Variants in GALNT18 observed in about 807,000 individuals in gnomAD.
GALNT18 encodes the protein polypeptide N-acetylgalactosaminyltransferase 18, also known as GalNAc-transferase 18.
Under a neutral mutation model 69.5 loss-of-function variants are expected in GALNT18, and 44 were observed. The observed-to-expected ratio is 0.63, with a 90% CI of 0.50 to 0.81. GALNT18 has a LOEUF of 0.81. GALNT18 is among the 40% of genes least tolerant of loss of function. The pLI is 0.00. For missense variants in GALNT18, 715 were observed against 810.0 expected, an observed-to-expected ratio of 0.88 and a Z score of 1.42; for synonymous variants, 364 against 318.2, an observed-to-expected ratio of 1.14 and a Z score of -1.53.
chr11:11,285,993 G>C (rs1192636369), intron 10 of GALNT18, among the ~76,000 whole-genome samples: 1 of 152,108 alleles, frequency 6.6e-6, no homozygotes, highest in Admixed American at 6.6e-5. Flanking sequence ...CTCCTTTCCT[G>C]GCATTAACAG....
At chr11:11,285,357 T>TG in intron 10 of GALNT18, among the ~76,000 whole-genome samples, 1 of 152,196 alleles carries the variant, frequency 6.6e-6, no homozygotes, top group Non-Finnish European at 1.5e-5. Context: ...CTTATAGCGC[T>TG]ATCATAGGGA....
rs1854337064 is a variant in GALNT18 at position 11,396,661 on chromosome 11, T to TA, written c.596-17398dup. ...TAGTGTGGTTGGGGGCAGTAGGGAT[T>TA]AACGCCACCTAATCTAAGGGTGAAA... On this transcript the variant is annotated intron_variant, in intron 3 of 10. Transcript: ENST00000227756. The surrounding 1 kb of genome is among the most constrained non-coding windows in gnomAD (Gnocchi z 5.2). Among the ~76,000 whole-genome samples, 1 of 152,032 alleles carries TA rather than the reference T, an allele frequency of 6.6e-6. No individual in the cohort carries two copies.
In GALNT18 at chr11:11,341,596, A is replaced by G. The variant is rs1353309936; in HGVS notation, c.1093-592T>C. Among the ~76,000 whole-genome samples, 1 of 152,164 alleles carries G rather than the reference A, an allele frequency of 6.6e-6. No individual in the cohort carries two copies. Among genetic ancestry groups the G allele is most frequent in the East Asian group, 1.9e-4 (1 of 5,180 alleles). Reference sequence around the variant, plus strand: ...ATTAAACTTCTTAGCAACCTTGGTGAATAGGAGATTGATCCGAATGCAATT... The same window carrying G: ...ATTAAACTTCTTAGCAACCTTGGTGGATAGGAGATTGATCCGAATGCAATT... On this transcript the variant is annotated intron_variant, in intron 6 of 10. Transcript: ENST00000227756. The surrounding 1 kb of genome is among the most constrained non-coding windows in gnomAD (Gnocchi z 6.3).
At chr11:11,385,688 C>T (rs770579474) in intron 3 of GALNT18, among the ~76,000 whole-genome samples, 1 of 152,060 alleles carries the variant, frequency 6.6e-6, no homozygotes, top group African/African-American at 2.4e-5. Flanking sequence ...TGTGGAGTTA[C>T]CATCTACAGA....
At chr11:11,386,102 G>A (rs1466610) in intron 3 of GALNT18, among the ~76,000 whole-genome samples, 120,779 of 152,092 alleles carry the variant, frequency 0.79, 48,607 homozygotes, top group East Asian at 0.96. Context: ...TCTAGCCTCC[G>A]GAAGTATGAA....
In GALNT18 at chr11:11,271,109, G is replaced by A; in HGVS notation, c.*35C>T. On this transcript the variant is annotated 3_prime_UTR_variant, in exon 11 of 11. Coordinates refer to ENST00000227756, the MANE Select transcript of GALNT18 (RefSeq NM_198516.3). ...GCAACGTTGCAGCAGGTGCTACACA[G>A]TAGCAAAGAGGCAGCCGGAAGTGGC... 1 of 1,598,468 alleles carries A rather than the reference G, an allele frequency of 6.3e-7. No homozygotes were observed. The highest frequency in any genetic ancestry group is 1.1e-5 in the South Asian group (1 of 89,862).
chr11:11,273,471 A>G (rs138455467), intron 10 of GALNT18, among the ~76,000 whole-genome samples: 1 of 152,376 alleles, frequency 6.6e-6, no homozygotes, highest in Non-Finnish European at 1.5e-5. Flanking sequence ...ATTACCAGAG[A>G]AAAGTAAGCA....
intron 1 of GALNT18, among the ~76,000 whole-genome samples, chr11:11,458,898 T>C (rs142701962): frequency 4.6e-5 from 7 of 152,212 alleles, no homozygotes; most frequent in Non-Finnish European, 7.3e-5. Flanking sequence ...ACAGGAAGCC[T>C]TGGCCTAACC....
intron 1 of GALNT18, among the ~76,000 whole-genome samples, chr11:11,451,899 A>T (rs2133824343): frequency 6.6e-6 from 1 of 152,328 alleles, no homozygotes; most frequent in African/African-American, 2.4e-5. Context: ...TTTTCTCTAC[A>T]CCAGGGGTGG....
chr11:11,523,762 G>A lies in GALNT18; in HGVS notation c.236-74826C>T, dbSNP rs1857456001. On this transcript the variant is annotated intron_variant, in intron 1 of 10. Coordinates refer to ENST00000227756, the MANE Select transcript of GALNT18 (RefSeq NM_198516.3). This position sits in a 1 kb window ranked among gnomAD's most constrained non-coding sequence, Gnocchi z 4.3. Reference sequence around the variant, plus strand: ...CGTACACCCTGCCTCCCTGGGAAAGGAGGTAGGACACACGGCTGCAAGCAA... The same window carrying A: ...CGTACACCCTGCCTCCCTGGGAAAGAAGGTAGGACACACGGCTGCAAGCAA... Among the ~76,000 whole-genome samples, 2 of 151,940 alleles carry A rather than the reference G, an allele frequency of 1.3e-5. No individual in the cohort carries two copies. The highest frequency in any genetic ancestry group is 2.9e-5 in the Non-Finnish European group (2 of 68,000).
Position 11,393,073 on chromosome 11 carries a change from T to C in GALNT18, c.596-13809A>G, listed in dbSNP as rs1054397140. Among the ~76,000 whole-genome samples, 4 of 152,060 alleles carry C rather than the reference T, an allele frequency of 2.6e-5. No individual in the cohort carries two copies. The South Asian group carries it at 6.2e-4, about 24-fold the overall frequency. ...GGCAGGGCAGGGCATGTCCAGACAA[T>C]GGGAGCAGGCAGTCCAGCAGCGAAG... is the stretch of plus-strand genomic sequence containing the variant. On this transcript the variant is annotated intron_variant, in intron 3 of 10. Coordinates refer to ENST00000227756, the MANE Select transcript of GALNT18 (RefSeq NM_198516.3).
At chr11:11,609,163 T>G (rs1030286001) in intron 1 of GALNT18, among the ~76,000 whole-genome samples, 11 of 152,368 alleles carry the variant, frequency 7.2e-5, no homozygotes, top group African/African-American at 2.6e-4. Context: ...CCTGCACTGA[T>G]GCCTCTCTGC....
In GALNT18 at chr11:11,383,993, A is replaced by C. The variant is rs1313142379; in HGVS notation, c.596-4729T>G. ...TTTTCTTTATAAATTGCCCAGTCTC[A>C]GGTAGTTCTTTATAGCAGTGCGAGA... On this transcript the variant is annotated intron_variant, in intron 3 of 10. Coordinates refer to ENST00000227756, the MANE Select transcript of GALNT18 (RefSeq NM_198516.3). This position sits in a 1 kb window ranked among gnomAD's most constrained non-coding sequence, Gnocchi z 5.2. 6.6e-6 allele frequency among the ~76,000 whole-genome samples: 1 copy of C among 152,134 alleles called. No homozygotes were observed. The highest frequency in any genetic ancestry group is 2.4e-5 in the African/African-American group (1 of 41,426).
Position 11,613,222 on chromosome 11 carries a change from G to T in GALNT18, c.235+8137C>A, listed in dbSNP as rs1039151463. ...ATAACAAGGAATCCTCTTGCTTAAA[G>T]TTCCAGTTGGCTGCACTGGAACTAC... is the stretch of plus-strand genomic sequence containing the variant. On this transcript the variant is annotated intron_variant, in intron 1 of 10. Transcript: ENST00000227756. This position sits in a 1 kb window ranked among gnomAD's most constrained non-coding sequence, Gnocchi z 4.2. Among the ~76,000 whole-genome samples, 1 of 152,150 alleles carries T rather than the reference G, an allele frequency of 6.6e-6. No individual in the cohort carries two copies. Among genetic ancestry groups the T allele is most frequent in the Admixed American group, 6.5e-5 (1 of 15,280 alleles).
chr11:11,575,512 G>A (rs1858904515), intron 1 of GALNT18, among the ~76,000 whole-genome samples: 1 of 152,214 alleles, frequency 6.6e-6, no homozygotes, highest in Non-Finnish European at 1.5e-5. Flanking sequence ...CAGGTTCTGG[G>A]CCCAGGCCCT....
chr11:11,607,134 G>A (rs1859776436), intron 1 of GALNT18, among the ~76,000 whole-genome samples: 1 of 152,144 alleles, frequency 6.6e-6, no homozygotes, highest in Non-Finnish European at 1.5e-5. Context: ...TTAATTTTCT[G>A]TTTACAAAAA....
chr11:11,342,400 G>C (rs1850224221), intron 6 of GALNT18, among the ~76,000 whole-genome samples: 1 of 152,148 alleles, frequency 6.6e-6, no homozygotes. Flanking sequence ...CCATGAACTT[G>C]GTAGATGAAG....
Position 11,377,594 on chromosome 11 carries a change from T to C in GALNT18, c.780-215A>G, listed in dbSNP as rs554198605. On this transcript the variant is annotated intron_variant, in intron 4 of 10. Transcript: ENST00000227756. This position sits in a 1 kb window ranked among gnomAD's most constrained non-coding sequence, Gnocchi z 4.6. ...ATGGCAAGAGGCTGCACCACTCCAT[T>C]GGCATATCCAGAGCTGAGCTGAGAG... 3.3e-4 allele frequency among the ~76,000 whole-genome samples: 50 copies of C among 151,894 alleles called. No homozygotes were observed. Among genetic ancestry groups the C allele is most frequent in the African/African-American group, 1.2e-3 (49 of 41,410 alleles).
chr11:11,338,537 A>G lies in GALNT18; in HGVS notation c.1278+2282T>C, dbSNP rs1850151633. Among the ~76,000 whole-genome samples, 1 of 152,152 alleles carries G rather than the reference A, an allele frequency of 6.6e-6. No homozygotes were observed. The stretch of plus-strand genomic sequence containing the variant: ...ATTTTCAAACTCATATGTCTGGAAG[A>G]TGGTGGCACCATGAACTGAGACAGG... On this transcript the variant is annotated intron_variant, in intron 7 of 10. Transcript: ENST00000227756. This position sits in a 1 kb window ranked among gnomAD's most constrained non-coding sequence, Gnocchi z 5.3.
Sources: allele counts gnomAD v4.1 joint callset (sites outside exome capture counted in the v4.1 genomes callset), GRCh38; gene constraint gnomAD v4.1.1; non-coding constraint Gnocchi (gnomAD v3.1); transcripts MANE v1.5; gene names NCBI Gene and HGNC (gene_info 2026-07-23, HGNC 2026-07-21).